The following GPHN variants were observed in gnomAD, a reference collection of about 807,000 sequenced individuals.
GPHN encodes the protein gephyrin.
A neutral mutation model predicts 95.5 loss-of-function variants in GPHN; 17 were observed. That is an observed-to-expected ratio of 0.18 (90% confidence interval 0.12 to 0.27). The LOEUF (loss-of-function observed/expected upper bound fraction) is 0.27. Among genes scored for constraint, GPHN ranks in the 10% least tolerant of loss-of-function variants. The pLI, the probability that GPHN is intolerant of heterozygous loss-of-function variation, is 1.00. For synonymous variants in GPHN, 320 were observed against 322.5 expected, an observed-to-expected ratio of 0.99 and a Z score of 0.08; for missense variants, 660 against 978.1, an observed-to-expected ratio of 0.67 and a Z score of 4.34.
chr14:67,079,074 AT>A (rs2076597305), intron 11 of GPHN, among the ~76,000 whole-genome samples: 1 of 152,048 alleles, frequency 6.6e-6, no homozygotes, highest in South Asian at 2.1e-4. Flanking sequence ...TATATTGTAA[AT>A]TTTATATTAA....
At chr14:67,563,543 C>T in the GPHN span, among the ~76,000 whole-genome samples, 1 of 152,076 alleles carries the variant, frequency 6.6e-6, no homozygotes, top group Admixed American at 6.5e-5. Flanking sequence ...AATCAATTCT[C>T]CCGCCTCAGC....
chr14:67,575,213 CA>C, the GPHN span, among the ~76,000 whole-genome samples: 1 of 151,988 alleles, frequency 6.6e-6, no homozygotes, highest in Non-Finnish European at 1.5e-5. Flanking sequence ...GCTGGGGTGC[CA>C]CAGGGTGTCA....
intron 1 of GPHN, among the ~76,000 whole-genome samples, chr14:66,621,955 C>G (rs187339835): frequency 0.01 from 1,522 of 152,190 alleles, 16 homozygotes; most frequent in Admixed American, 0.017. Flanking sequence ...AGGATGGTGG[C>G]CCTTTCTCAC....
the GPHN span, among the ~76,000 whole-genome samples, chr14:67,574,861 G>T: frequency 6.6e-6 from 1 of 152,200 alleles, no homozygotes; most frequent in African/African-American, 2.4e-5. This position sits in a 1 kb window ranked among gnomAD's most constrained non-coding sequence, Gnocchi z 4.2. Context: ...GAAAATGGAA[G>T]TTAACAAGGA....
chr14:66,687,265 T>G (rs1447194927), intron 2 of GPHN, among the ~76,000 whole-genome samples: 2 of 152,108 alleles, frequency 1.3e-5, no homozygotes, highest in African/African-American at 4.8e-5. Context: ...GAAGACCTAA[T>G]AGACATCTAC....
At chr14:66,551,209 T>A (rs1385466761) in intron 1 of GPHN, 3 of 152,312 alleles carry the variant, frequency 2.0e-5, no homozygotes, top group Admixed American at 6.5e-5. Flanking sequence ...TTAGATATAA[T>A]GCTTTTGCAC....
the GPHN span, among the ~76,000 whole-genome samples, chr14:67,287,195 G>A: frequency 6.6e-6 from 1 of 151,932 alleles, no homozygotes; most frequent in African/African-American, 2.4e-5. Context: ...CTCTAGCCAG[G>A]GTGACAGAGC....
At chr14:67,359,160 C>T in the GPHN span, among the ~76,000 whole-genome samples, 5,156 of 152,248 alleles carry the variant, frequency 0.034, 121 homozygotes, top group Middle Eastern at 0.061. Context: ...AGATCGAATC[C>T]GAGGGCTATG....
the GPHN span, chr14:67,593,638 A>G: frequency 9.1e-6 from 6 of 656,910 alleles, no homozygotes; most frequent in Admixed American, 2.7e-5. Flanking sequence ...TTTACCTTTT[A>G]AATATAAGTC....
intron 9 of GPHN, among the ~76,000 whole-genome samples, chr14:66,966,215 A>G (rs1033348143): frequency 3.3e-5 from 5 of 152,130 alleles, no homozygotes; most frequent in Non-Finnish European, 7.4e-5. Context: ...AAGGACCTGT[A>G]TAGCTGTCTT....
At chr14:67,021,203 GTTGA>G (rs1222646829) in intron 9 of GPHN, among the ~76,000 whole-genome samples, 5 of 152,100 alleles carry the variant, frequency 3.3e-5, no homozygotes, top group East Asian at 1.9e-4. Flanking sequence ...TGGTGTATAG[GTTGA>G]TTGATTGATT....
At chr14:67,498,490 G>A in the GPHN span, among the ~76,000 whole-genome samples, 1 of 152,068 alleles carries the variant, frequency 6.6e-6, no homozygotes, top group Non-Finnish European at 1.5e-5. Flanking sequence ...GCATTATACT[G>A]ACTCTTAAAA....
chr14:67,356,464 C>T, the GPHN span, among the ~76,000 whole-genome samples: 1 of 150,310 alleles, frequency 6.7e-6, no homozygotes, highest in African/African-American at 2.5e-5. Flanking sequence ...CAAACAAACA[C>T]CATTTGGCCA....
chr14:67,699,573 G>A, the GPHN span, among the ~76,000 whole-genome samples: 1 of 109,730 alleles, frequency 9.1e-6, no homozygotes, highest in African/African-American at 3.6e-5. Flanking sequence ...CTGGAAGACA[G>A]AGCAAGACCC....
At chr14:67,662,084 A>G in the GPHN span, among the ~76,000 whole-genome samples, 2 of 151,278 alleles carry the variant, frequency 1.3e-5, no homozygotes, top group Non-Finnish European at 2.9e-5. Context: ...TGAACCCGGG[A>G]GGTGGAGCTT....
At chr14:67,414,415 A>T in the GPHN span, among the ~76,000 whole-genome samples, 2 of 152,114 alleles carry the variant, frequency 1.3e-5, no homozygotes, top group Non-Finnish European at 2.9e-5. Context: ...AGCCCAACTC[A>T]CCCATAGGGA....
At chr14:67,450,024 TG>T in the GPHN span, 1 of 153,858 alleles carries the variant, frequency 6.5e-6, no homozygotes. Context: ...ATCGTGCCAT[TG>T]CACTCCAGCC....
chr14:67,465,551 G>C, the GPHN span, among the ~76,000 whole-genome samples: 1 of 152,180 alleles, frequency 6.6e-6, no homozygotes, highest in Admixed American at 6.5e-5. Flanking sequence ...GGTATATCTT[G>C]GGATGCCTAA....
intron 1 of GPHN, among the ~76,000 whole-genome samples, chr14:66,577,777 A>G (rs1234600560): frequency 6.6e-6 from 1 of 151,916 alleles, no homozygotes; most frequent in Non-Finnish European, 1.5e-5. Context: ...ATGAGATTTC[A>G]CTATGGACAG....
Sources: gnomAD v4.1 joint callset for allele counts (sites outside exome capture counted in the v4.1 genomes callset) on GRCh38, gnomAD v4.1.1 for gene constraint, Gnocchi (gnomAD v3.1) non-coding constraint, MANE v1.5 for transcripts, NCBI Gene and HGNC (gene_info 2026-07-23, HGNC 2026-07-21) for gene names.